PLEKHA1: variants seen among roughly 807,000 people sequenced by gnomAD.
The protein encoded by PLEKHA1 is pleckstrin homology domain-containing family A member 1.
PLEKHA1 carries 34 observed loss-of-function variants against 52.0 expected under a neutral mutation model. The ratio of observed to expected loss-of-function variants is 0.65; its 90% CI spans 0.50 to 0.87. PLEKHA1 has a LOEUF of 0.87. Among genes scored for constraint, PLEKHA1 ranks in the 40% least tolerant of loss-of-function variants. The probability of loss-of-function intolerance (pLI) is 0.00; values close to 1 mark genes in which losing one functional copy is unlikely to be tolerated. For missense variants in PLEKHA1, 497 were observed against 504.2 expected, an observed-to-expected ratio of 0.99 and a Z score of 0.14; for synonymous variants, 163 against 170.7, an observed-to-expected ratio of 0.95 and a Z score of 0.35.
At chr10:122,418,582 C>T (rs1050715848) in intron 8 of PLEKHA1, 1 of 152,134 alleles carries the variant, frequency 6.6e-6, no homozygotes, top group Non-Finnish European at 1.5e-5. Context: ...ATTTAACCCT[C>T]TGTATTTCTT....
At chr10:122,433,110 C>T (rs1245368214), downstream of PLEKHA1, 2 of 152,166 alleles carry the variant, frequency 1.3e-5, no homozygotes, top group African/African-American at 4.8e-5. Flanking sequence ...ACCTTGTTCT[C>T]TGAAATTCAG....
intron 1 of PLEKHA1, among the ~76,000 whole-genome samples, chr10:122,379,431 T>C (rs11200592): frequency 0.84 from 125,284 of 149,762 alleles, 51,678 homozygotes; most frequent in African/African-American, 0.85. Context: ...AGTAGACACA[T>C]GGGGTCAGTC....
intron 1 of PLEKHA1, among the ~76,000 whole-genome samples, chr10:122,375,488 C>CGTCT (rs10617127): frequency 0.12 from 17,575 of 152,256 alleles, 1,343 homozygotes; most frequent in Non-Finnish European, 0.17. Context: ...GGGAGGCGAC[C>CGTCT]AGACCCAGGT....
rs2097404473 is a variant in PLEKHA1, at chr10:122,430,172, T to C, written c.*234T>C. 2 of 433,990 alleles carry C rather than the reference T, an allele frequency of 4.6e-6. No homozygotes were observed. Among genetic ancestry groups the C allele is most frequent in the Non-Finnish European group, 8.0e-6 (2 of 248,960 alleles). 26.9% of individuals were successfully genotyped at this position (433,990 alleles called of 1,614,324 possible). ...CCAAAATATCTCAGTATCATCTGTC[T>C]GAAGCATTGTGTGTTCTCATTCGGG... is the stretch of plus-strand genomic sequence containing the variant. On this transcript the variant is annotated 3_prime_UTR_variant, in exon 12 of 12. Transcript: ENST00000368990.
intron 5 of PLEKHA1, among the ~76,000 whole-genome samples, chr10:122,406,946 A>G (rs900142392): frequency 6.6e-6 from 1 of 152,214 alleles, no homozygotes; most frequent in Non-Finnish European, 1.5e-5. Context: ...CTAGGAGAAA[A>G]TGCGCTTAGC....
intron 8 of PLEKHA1, 26 bp from the exon 9 acceptor site, chr10:122,424,171 GTT>G (rs34058512): frequency 0.016 from 14,359 of 915,622 alleles, 1 homozygote; most frequent in East Asian, 0.02. Context: ...TCATGTAACT[GTT>G]TTTTTTTTTT....
intron 5 of PLEKHA1, among the ~76,000 whole-genome samples, chr10:122,409,297 T>C (rs570428010): frequency 6.6e-6 from 1 of 152,310 alleles, no homozygotes; most frequent in East Asian, 1.9e-4. Context: ...TTGTAAGTCC[T>C]GGACCATCTG....
chr10:122,408,429 TG>T (rs1470787343), intron 5 of PLEKHA1, among the ~76,000 whole-genome samples: 1 of 152,186 alleles, frequency 6.6e-6, no homozygotes, highest in East Asian at 1.9e-4. Flanking sequence ...GTAGCTTTTG[TG>T]GTCTTGCAAT....
intron 5 of PLEKHA1, among the ~76,000 whole-genome samples, chr10:122,407,536 C>G (rs2097037823): frequency 1.3e-5 from 2 of 152,138 alleles, no homozygotes; most frequent in South Asian, 2.1e-4. Flanking sequence ...GCTTCCTGAA[C>G]AAGAACAGCC....
chr10:122,425,109 A>G (rs1360259947), intron 10 of PLEKHA1, 150 bp downstream of exon 10: 1 of 561,966 alleles, frequency 1.8e-6, no homozygotes, highest in Non-Finnish European at 2.9e-6. Context: ...TACTGTATAT[A>G]GAGTTATTGG....
intron 8 of PLEKHA1, chr10:122,419,317 A>G (rs1261114630): frequency 6.6e-6 from 1 of 152,214 alleles, no homozygotes; most frequent in Non-Finnish European, 1.5e-5. Context: ...TTGATAGACA[A>G]TAAGTGTCTT....
chr10:122,396,903 T>TAA lies in PLEKHA1; in HGVS notation c.142-1015_142-1014insAA, dbSNP rs1590451476. 4.6e-5 allele frequency among the ~76,000 whole-genome samples: 7 copies of TAA among 152,228 alleles called. No individual in the cohort carries two copies. In the South Asian group the frequency reaches 8.3e-4, roughly 18 times the overall value. On this transcript the variant is annotated intron_variant, in intron 2 of 11. Transcript: ENST00000368990. ...CCTCTTCTATAATCCCTTCAGTTTATTATAAGATATATTATAAAAAGAGCA... is the reference window on the plus strand; with the variant it reads ...CCTCTTCTATAATCCCTTCAGTTTATAATATAAGATATATTATAAAAAGAGCA...
chr10:122,437,597 GC>G, the PLEKHA1 span: 1 of 152,376 alleles, frequency 6.6e-6, no homozygotes, highest in Non-Finnish European at 1.5e-5. Flanking sequence ...CATGGAATGA[GC>G]CCTGGGGCGC....
intron 1 of PLEKHA1, among the ~76,000 whole-genome samples, chr10:122,376,311 C>G (rs529313966): frequency 6.6e-6 from 1 of 151,886 alleles, no homozygotes; most frequent in Non-Finnish European, 1.5e-5. Flanking sequence ...CCAATTTTCC[C>G]AAGGAAAATT....
At chr10:122,417,342 G>T (rs922856400) in intron 7 of PLEKHA1, among the ~76,000 whole-genome samples, 1 of 151,176 alleles carries the variant, frequency 6.6e-6, no homozygotes, top group South Asian at 2.1e-4. Context: ...AAAAAAAAAA[G>T]TTTCAACATT....
At chr10:122,425,053 G>A (rs1565326956) in intron 10 of PLEKHA1, 94 bp downstream of exon 10, 4 of 1,128,250 alleles carry the variant, frequency 3.5e-6, no homozygotes, top group South Asian at 1.6e-5. Flanking sequence ...TTGCACTTGA[G>A]GTTAAAAAAA....
At chr10:122,441,653 G>T in the PLEKHA1 span, 1 of 152,104 alleles carries the variant, frequency 6.6e-6, no homozygotes, top group African/African-American at 2.4e-5. Context: ...CACTGAAAGA[G>T]GCTGCGTGCA....
chr10:122,430,999 T>A lies in PLEKHA1; in HGVS notation c.*1061T>A, dbSNP rs905594872. 1 of 152,674 alleles carries A rather than the reference T, an allele frequency of 6.5e-6. No homozygotes were observed. The highest frequency in any genetic ancestry group is 1.5e-5 in the Non-Finnish European group (1 of 68,040). 9.5% of individuals were successfully genotyped at this position (152,674 alleles called of 1,614,324 possible). ...CAGAATGCTGGTATTCTACTACTTG[T>A]GCAATATATATGTTTTAAAAAACAA... On this transcript the variant is annotated 3_prime_UTR_variant, in exon 12 of 12. Coordinates refer to ENST00000368990, the MANE Select transcript of PLEKHA1 (RefSeq NM_001001974.4).
chr10:122,424,895 G>A lies in PLEKHA1; in HGVS notation c.747-1G>A, dbSNP rs2097315556. On this transcript the variant is annotated splice_acceptor_variant, in intron 9 of 11. Transcript: ENST00000368990. LOFTEE classifies it high-confidence loss of function. ...TATAATTGGATTTTTTTTTCATACA[G>A]CGACATAATGATGAGGGACAACCTC... 3.1e-6 allele frequency: 5 copies of A among 1,606,848 alleles called. No individual in the cohort carries two copies. The highest frequency in any genetic ancestry group is 4.2e-6 in the Non-Finnish European group (5 of 1,176,896).
Sources: gnomAD v4.1 joint callset for allele counts (sites outside exome capture counted in the v4.1 genomes callset) on GRCh38, gnomAD v4.1.1 for gene constraint, MANE v1.5 for transcripts, NCBI Gene and HGNC (gene_info 2026-07-23, HGNC 2026-07-21) for gene names.